Variants in NCOA3 observed in about 807,000 individuals in gnomAD.
NCOA3 encodes nuclear receptor coactivator 3.
A neutral mutation model predicts 158.8 loss-of-function variants in NCOA3; 51 were observed. That is an observed-to-expected ratio of 0.32 (90% CI 0.26 to 0.41). The LOEUF is 0.41. Ranked by LOEUF, NCOA3 falls within the 10% of genes least tolerant of loss-of-function variation. The pLI is 1.00. For synonymous variants in NCOA3, 537 were observed against 592.4 expected (o/e 0.91, Z 1.36); for missense variants, 1,510 against 1,746.6 (o/e 0.86, Z 2.41).
At position 47,522,306 on chromosome 20, in the gene NCOA3, G is replaced by A. The variant is rs938389440; in HGVS notation, c.-99+20287G>A. Among the ~76,000 whole-genome samples, 3 of 151,150 alleles carry A rather than the reference G, an allele frequency of 2.0e-5. No individual in the cohort carries two copies. The South Asian group carries it at 6.2e-4, about 31-fold the overall frequency. On this transcript the variant is annotated intron_variant, in intron 1 of 22. Transcript: ENST00000371998. ...TTTAGTAGAGACGGGGTTTCACCAT[G>A]TTAGCCAGGATGGTCTCGATCTCCT... is the stretch of plus-strand genomic sequence containing the variant.
intron 12 of NCOA3, 134 bp from the exon 13 acceptor site, chr20:47,637,514 G>C: frequency 3.4e-6 from 2 of 594,546 alleles, no homozygotes; most frequent in Middle Eastern, 4.9e-4. Flanking sequence ...TGGCCTTTCA[G>C]GTGGGTATTA....
At chr20:47,620,319 A>C (rs913441165) in intron 2 of NCOA3, among the ~76,000 whole-genome samples, 3 of 152,166 alleles carry the variant, frequency 2.0e-5, no homozygotes, top group African/African-American at 7.2e-5. Flanking sequence ...ACTGTGTTGC[A>C]CAGATTGGTC....
chr20:47,619,093 A>G (rs941312702), intron 2 of NCOA3, among the ~76,000 whole-genome samples: 3 of 152,208 alleles, frequency 2.0e-5, no homozygotes, highest in Non-Finnish European at 4.4e-5. Context: ...TTGCTTTTAT[A>G]TTTATTCAAT....
intron 2 of NCOA3, among the ~76,000 whole-genome samples, chr20:47,617,880 T>G (rs1243787938): frequency 6.6e-6 from 1 of 152,194 alleles, no homozygotes; most frequent in Non-Finnish European, 1.5e-5. Context: ...GTACAGTAAA[T>G]GTACCTAAGT....
Position 47,634,138 on chromosome 20 carries a change from T to G in NCOA3, c.1055T>G (p.Phe352Cys), listed in dbSNP as rs763730482. 6.4e-5 allele frequency: 103 copies of G among 1,614,042 alleles called. No individual in the cohort carries two copies. The highest frequency in any genetic ancestry group is 7.6e-6 in the Non-Finnish European group (9 of 1,180,028). ...IVTAQTKSKLFRNPVTNDRHG... is the reference protein window; with the variant it reads ...IVTAQTKSKLCRNPVTNDRHG... ...ACTGCACAGACAAAAAGCAAACTCT[T>G]CCGAAATCCTGTAACAAATGATCGA... The change falls in exon 10 of 23, where the codon TTC becomes TGC. Residue 352 changes from phenylalanine (F) to cysteine (C), a missense_variant. By Grantham distance (205) the Phe-to-Cys change is radical (BLOSUM62 -2). Around this residue, in one of 4 missense-constraint regions of NCOA3, gnomAD observed 1,017 missense variants for 1,098.3 expected, o/e 0.93. Coordinates refer to ENST00000371998, the MANE Select transcript of NCOA3 (RefSeq NM_181659.3).
intron 2 of NCOA3, among the ~76,000 whole-genome samples, chr20:47,612,296 C>G (rs1372235089): frequency 6.6e-6 from 1 of 151,982 alleles, no homozygotes; most frequent in Non-Finnish European, 1.5e-5. Flanking sequence ...GAGTTACATA[C>G]AAGTTTACAC....
intron 1 of NCOA3, among the ~76,000 whole-genome samples, chr20:47,554,412 C>T (rs1014398079): frequency 6.6e-6 from 1 of 152,028 alleles, no homozygotes; most frequent in Non-Finnish European, 1.5e-5. Flanking sequence ...AATTAGATCT[C>T]ATTTGTCAAT....
Position 47,635,590 on chromosome 20 carries a change from C to A in NCOA3, c.1381C>A (p.Leu461Ile). ...TTCCTACCAGAACAACAACTATGGGCTCAACATGAGTAGCCCCCCACATGG... is the reference window on the plus strand; with the variant it reads ...TTCCTACCAGAACAACAACTATGGGATCAACATGAGTAGCCCCCCACATGG... Reference protein sequence around the residue: ...PSSYQNNNYGLNMSSPPHGSP... With the variant: ...PSSYQNNNYGINMSSPPHGSP... Residue 461 changes from leucine to isoleucine, a missense_variant, in exon 11 of 23, where the codon CTC becomes ATC. Leu to Ile is a conservative substitution (Grantham distance 5). Around this residue, in one of 4 missense-constraint regions of NCOA3, gnomAD observed 1,017 missense variants for 1,098.3 expected, o/e 0.93. Coordinates refer to ENST00000371998, the MANE Select transcript of NCOA3 (RefSeq NM_181659.3). 1.2e-6 allele frequency: 2 copies of A among 1,614,182 alleles called. No individual in the cohort carries two copies. The highest frequency in any genetic ancestry group is 1.7e-6 in the Non-Finnish European group (2 of 1,180,038).
chr20:47,584,016 C>T (rs1230045380), intron 2 of NCOA3, among the ~76,000 whole-genome samples: 1 of 152,158 alleles, frequency 6.6e-6, no homozygotes, highest in Non-Finnish European at 1.5e-5. Context: ...GACATGGTGG[C>T]TCACTCATAT....
intron 1 of NCOA3, among the ~76,000 whole-genome samples, chr20:47,542,817 C>A (rs778273754): frequency 6.6e-6 from 1 of 152,066 alleles, no homozygotes; most frequent in Non-Finnish European, 1.5e-5. Flanking sequence ...CAAAAATTAT[C>A]CGGGCATGGT....
chr20:47,646,896 G>A (rs1190829073), intron 17 of NCOA3, among the ~76,000 whole-genome samples, 177 bp from the exon 18 acceptor site: 1 of 152,206 alleles, frequency 6.6e-6, no homozygotes. Context: ...TCTGTCACCT[G>A]TGGGATGTTA....
rs112636168 is a variant in NCOA3, at chr20:47,649,435, G to C, written c.3651+326G>C. Among the ~76,000 whole-genome samples, 24 of 152,228 alleles carry C rather than the reference G, an allele frequency of 1.6e-4. No individual in the cohort carries two copies. In the Middle Eastern group the frequency reaches 0.01, roughly 65 times the overall value. The stretch of plus-strand genomic sequence containing the variant: ...TTAATAAATCTGTAAATGTTCCTCT[G>C]TTCCTGGATTATGAAACAACATGCA... On this transcript the variant is annotated intron_variant, in intron 19 of 22. Transcript: ENST00000371998.
intron 1 of NCOA3, among the ~76,000 whole-genome samples, chr20:47,556,373 G>A (rs536586277): frequency 6.6e-6 from 1 of 152,304 alleles, no homozygotes; most frequent in East Asian, 1.9e-4. Flanking sequence ...AACTCCACAA[G>A]GTTAGAATTG....
intron 1 of NCOA3, among the ~76,000 whole-genome samples, chr20:47,505,001 T>G (rs1319354195): frequency 1.7e-5 from 2 of 118,138 alleles, no homozygotes; most frequent in Non-Finnish European, 3.5e-5. Context: ...TTTGGGTTTT[T>G]GGTTTTTTTT....
intron 1 of NCOA3, among the ~76,000 whole-genome samples, chr20:47,562,557 G>A (rs1010231556): frequency 2.0e-5 from 3 of 148,102 alleles, no homozygotes; most frequent in Non-Finnish European, 3.0e-5. Context: ...TTTTTAATTT[G>A]TGTTGGCAAA....
chr20:47,580,010 G>A (rs2085426202), intron 1 of NCOA3, among the ~76,000 whole-genome samples: 1 of 152,258 alleles, frequency 6.6e-6, no homozygotes, highest in African/African-American at 2.4e-5. Context: ...CTGTTCCTCA[G>A]TTTGATCATT....
chr20:47,545,321 C>T (rs1479998989), intron 1 of NCOA3, among the ~76,000 whole-genome samples: 4 of 151,706 alleles, frequency 2.6e-5, no homozygotes, highest in Admixed American at 2.6e-4. Flanking sequence ...GAACTACAGG[C>T]ATGTACTACC....
chr20:47,649,349 G>A (rs1271127959), intron 19 of NCOA3, among the ~76,000 whole-genome samples: 1 of 152,082 alleles, frequency 6.6e-6, no homozygotes, highest in Non-Finnish European at 1.5e-5. Flanking sequence ...TTTTTTAATT[G>A]GTTCCCTTTG....
chr20:47,519,706 T>C (rs1312395476), intron 1 of NCOA3, among the ~76,000 whole-genome samples: 1 of 152,124 alleles, frequency 6.6e-6, no homozygotes, highest in Non-Finnish European at 1.5e-5. Flanking sequence ...CTTGGGAGGA[T>C]TGCCTGAGAC....
Sources: allele counts gnomAD v4.1 joint callset (sites outside exome capture counted in the v4.1 genomes callset), GRCh38; gene constraint gnomAD v4.1.1; regional missense constraint gnomAD v4.1.1; transcripts MANE v1.5; gene names NCBI Gene and HGNC (gene_info 2026-07-23, HGNC 2026-07-21).